The following MSRA variants were observed in gnomAD, a reference collection of about 807,000 sequenced individuals.
The protein encoded by MSRA is mitochondrial peptide methionine sulfoxide reductase.
MSRA carries 54 observed loss-of-function variants against 31.3 expected under a neutral mutation model. The ratio of observed to expected loss-of-function variants is 1.73; its 90% CI spans 1.39 to 2.17. The LOEUF (loss-of-function observed/expected upper bound fraction) is 2.17, where lower values mean the gene tolerates loss of function less well. Among genes scored for constraint, MSRA ranks in the 30% most tolerant of loss-of-function variants. The pLI is 0.00. For synonymous variants in MSRA, 169 were observed against 116.5 expected (o/e 1.45, Z -2.90); for missense variants, 507 against 300.9 (o/e 1.69, Z -5.07).
At chr8:10,359,958 C>G (rs1356112336) in intron 5 of MSRA, among the ~76,000 whole-genome samples, 2 of 152,216 alleles carry the variant, frequency 1.3e-5, no homozygotes, top group East Asian at 3.9e-4. Context: ...TGTTCCCCTC[C>G]TCCACTTTTA....
At chr8:10,240,587 C>A (rs1161479644) in intron 2 of MSRA, among the ~76,000 whole-genome samples, 1 of 152,170 alleles carries the variant, frequency 6.6e-6, no homozygotes, top group African/African-American at 2.4e-5. Flanking sequence ...CCCCAGATTT[C>A]CTAATTCTTC....
At chr8:10,375,205 T>G (rs1156857165) in intron 5 of MSRA, among the ~76,000 whole-genome samples, 4 of 152,194 alleles carry the variant, frequency 2.6e-5, no homozygotes, top group Admixed American at 2.6e-4. Context: ...TATTCCTATC[T>G]TTTTTGCATC....
At chr8:10,128,646 G>A (rs557309143) in intron 1 of MSRA, among the ~76,000 whole-genome samples, 1 of 152,318 alleles carries the variant, frequency 6.6e-6, no homozygotes, top group Admixed American at 6.5e-5. Flanking sequence ...CTTCATGAGG[G>A]TGATGCTGCC....
intron 3 of MSRA, among the ~76,000 whole-genome samples, chr8:10,272,217 T>C (rs1425615189): frequency 6.6e-6 from 1 of 152,164 alleles, no homozygotes; most frequent in Non-Finnish European, 1.5e-5. Flanking sequence ...AATAGGATGA[T>C]CTATTGATGA....
At chr8:10,252,779 G>A (rs1436500016) in intron 3 of MSRA, among the ~76,000 whole-genome samples, 1 of 152,270 alleles carries the variant, frequency 6.6e-6, no homozygotes, top group Non-Finnish European at 1.5e-5. Context: ...AGTATACAAG[G>A]GTGATGGCAT....
intron 2 of MSRA, among the ~76,000 whole-genome samples, chr8:10,216,565 A>T (rs1237844812): frequency 6.6e-6 from 1 of 152,158 alleles, no homozygotes; most frequent in African/African-American, 2.4e-5. Context: ...ATAGACACTA[A>T]ACACCGTCTA....
chr8:10,384,019 C>T (rs562501658), intron 5 of MSRA, among the ~76,000 whole-genome samples: 25 of 152,230 alleles, frequency 1.6e-4, no homozygotes, highest in South Asian at 8.3e-4. Context: ...AGAGTCACCC[C>T]GAAATCCGTG....
At chr8:10,421,191 G>A (rs1808792221) in intron 5 of MSRA, among the ~76,000 whole-genome samples, 1 of 152,144 alleles carries the variant, frequency 6.6e-6, no homozygotes, top group Admixed American at 6.5e-5. Flanking sequence ...AGCCACCTGT[G>A]GGAGTAGTCA....
intron 1 of MSRA, among the ~76,000 whole-genome samples, chr8:10,138,690 T>C (rs1462545437): frequency 2.0e-5 from 3 of 152,256 alleles, no homozygotes; most frequent in Admixed American, 2.0e-4. Flanking sequence ...TCTTCCTGAA[T>C]CATCCTTGGA....
chr8:10,417,362 C>G (rs1808522618), intron 5 of MSRA, among the ~76,000 whole-genome samples: 1 of 151,796 alleles, frequency 6.6e-6, no homozygotes, highest in Non-Finnish European at 1.5e-5. Context: ...CCTGGAGCTC[C>G]TGTTGCTCCG....
At position 10,384,683 on chromosome 8, in the gene MSRA, G is replaced by A. The variant is rs191196792; in HGVS notation, c.544-43465G>A. ...ACTGTTGCACTAGCGGAAGGACTCAGATTGGAGTCCTATTTGGAGAACTGT... is the reference window on the plus strand; with the variant it reads ...ACTGTTGCACTAGCGGAAGGACTCAAATTGGAGTCCTATTTGGAGAACTGT... On this transcript the variant is annotated intron_variant, in intron 5 of 5. Coordinates refer to ENST00000317173, the MANE Select transcript of MSRA (RefSeq NM_012331.5). 3.9e-3 allele frequency among the ~76,000 whole-genome samples: 594 copies of A among 152,320 alleles called. 3 individuals are homozygous for A. Among genetic ancestry groups the A allele is most frequent in the Admixed American group, 7.6e-3 (116 of 15,298 alleles).
chr8:10,362,329 C>G (rs1025274574), intron 5 of MSRA, among the ~76,000 whole-genome samples: 2 of 152,048 alleles, frequency 1.3e-5, no homozygotes, highest in African/African-American at 4.8e-5. Flanking sequence ...GTGATTAGTG[C>G]TTGCTCCTGT....
At chr8:10,178,076 A>G (rs545390872) in intron 1 of MSRA, among the ~76,000 whole-genome samples, 1 of 152,180 alleles carries the variant, frequency 6.6e-6, no homozygotes, top group East Asian at 1.9e-4. Flanking sequence ...TAATGAGTAC[A>G]TCTATTCCTG....
At chr8:10,055,434 A>C (rs1802295822) in intron 1 of MSRA, among the ~76,000 whole-genome samples, 2 of 152,262 alleles carry the variant, frequency 1.3e-5, no homozygotes, top group Admixed American at 1.3e-4. Flanking sequence ...CGCGTTTCCC[A>C]GAACGAGGGC....
intron 2 of MSRA, 83 bp from the exon 3 acceptor site, chr8:10,245,019 TCA>T: frequency 1.6e-6 from 2 of 1,281,942 alleles, no homozygotes; most frequent in Non-Finnish European, 2.1e-6. Flanking sequence ...TTTTTTTTCT[TCA>T]TGTAACAGGT....
chr8:10,088,975 C>T (rs1363374243), intron 1 of MSRA, among the ~76,000 whole-genome samples: 3 of 152,028 alleles, frequency 2.0e-5, no homozygotes, highest in African/African-American at 4.8e-5. Context: ...GCAGTGGTTT[C>T]CATGGGTTGC....
At chr8:10,264,434 A>G (rs1203480262) in intron 3 of MSRA, among the ~76,000 whole-genome samples, 1 of 152,252 alleles carries the variant, frequency 6.6e-6, no homozygotes, top group Non-Finnish European at 1.5e-5. Flanking sequence ...GAAGTTTAGC[A>G]TTGAATCTTT....
At chr8:10,243,544 G>C (rs1405078970) in intron 2 of MSRA, among the ~76,000 whole-genome samples, 1 of 151,752 alleles carries the variant, frequency 6.6e-6, no homozygotes, top group Non-Finnish European at 1.5e-5. Context: ...GGTAACATAA[G>C]CATAAGCAGA....
At chr8:10,077,181 C>A (rs1798034737) in intron 1 of MSRA, among the ~76,000 whole-genome samples, 1 of 152,148 alleles carries the variant, frequency 6.6e-6, no homozygotes, top group Non-Finnish European at 1.5e-5. Context: ...CGGCCACAGC[C>A]ATTGCATTTG....
Sources: allele counts gnomAD v4.1 joint callset (sites outside exome capture counted in the v4.1 genomes callset), GRCh38; gene constraint gnomAD v4.1.1; transcripts MANE v1.5; gene names NCBI Gene and HGNC (gene_info 2026-07-23, HGNC 2026-07-21).